Variants in STK31 observed in about 807,000 individuals in gnomAD.
The protein encoded by STK31 is serine/threonine-protein kinase 31.
STK31 carries 89 observed loss-of-function variants against 129.7 expected under a neutral mutation model. The observed-to-expected ratio is 0.69, with a 90% CI of 0.58 to 0.82. The LOEUF (loss-of-function observed/expected upper bound fraction) is 0.82, where lower values mean the gene tolerates loss of function less well. Ranked by LOEUF, STK31 falls within the 40% of genes least tolerant of loss-of-function variation. The pLI is 0.00. For synonymous variants in STK31, 448 were observed against 395.3 expected (o/e 1.13, Z -1.58); for missense variants, 1,187 against 1,176.4 (o/e 1.01, Z -0.13).
Position 23,716,403 on chromosome 7 carries a change from G to T in STK31, c.151-1078G>T, listed in dbSNP as rs144237781. Reference sequence around the variant, plus strand: ...AAGGTGGCAACTTCCAGGTTTTTTCGCTGTAAAGTTACTCTTTTCTTTTGT... The same window carrying T: ...AAGGTGGCAACTTCCAGGTTTTTTCTCTGTAAAGTTACTCTTTTCTTTTGT... On this transcript the variant is annotated intron_variant, in intron 3 of 23. Coordinates refer to ENST00000355870, the MANE Select transcript of STK31 (RefSeq NM_031414.5). 7.2e-5 allele frequency among the ~76,000 whole-genome samples: 11 copies of T among 152,082 alleles called. No individual in the cohort carries two copies. In the South Asian group the frequency reaches 2.1e-3, roughly 29 times the overall value.
intron 8 of STK31, among the ~76,000 whole-genome samples, chr7:23,750,469 A>T (rs1055945650): frequency 6.6e-6 from 1 of 152,206 alleles, no homozygotes; most frequent in African/African-American, 2.4e-5. Context: ...TGGCATAGTG[A>T]CTTCCAGGCT....
chr7:23,812,919 A>G (rs1793229741), intron 22 of STK31, among the ~76,000 whole-genome samples: 1 of 152,022 alleles, frequency 6.6e-6, no homozygotes, highest in Admixed American at 6.6e-5. Flanking sequence ...GTATATGTGT[A>G]CTCACACACA....
intron 7 of STK31, among the ~76,000 whole-genome samples, chr7:23,736,338 G>A (rs933065527): frequency 6.6e-6 from 1 of 152,070 alleles, no homozygotes; most frequent in African/African-American, 2.4e-5. Context: ...TTGTGATGGA[G>A]TTTGATTATT....
chr7:23,812,255 A>G (rs552368879), intron 22 of STK31, among the ~76,000 whole-genome samples: 101 of 152,114 alleles, frequency 6.6e-4, no homozygotes, highest in African/African-American at 2.3e-3. Flanking sequence ...TTAAAAGTTG[A>G]AAAATGTGCT....
intron 23 of STK31, among the ~76,000 whole-genome samples, chr7:23,828,322 G>A (rs574280160): frequency 7.9e-5 from 12 of 152,266 alleles, no homozygotes; most frequent in East Asian, 7.7e-4. Context: ...CCTCGCTGCC[G>A]CCTTGCAGTT....
At chr7:23,810,048 C>G (rs1490272380) in intron 22 of STK31, among the ~76,000 whole-genome samples, 1 of 152,128 alleles carries the variant, frequency 6.6e-6, no homozygotes, top group Non-Finnish European at 1.5e-5. Context: ...GCCTATTTCT[C>G]CTTTCAACTC....
chr7:23,831,274 T>A (rs1431402380), intron 23 of STK31, among the ~76,000 whole-genome samples: 1 of 152,226 alleles, frequency 6.6e-6, no homozygotes, highest in Admixed American at 6.5e-5. Context: ...GATTTATATA[T>A]CTGGGTGCTC....
rs149154224 is a variant in STK31, at chr7:23,716,586, G to A, written c.151-895G>A. 4.9e-3 allele frequency among the ~76,000 whole-genome samples: 748 copies of A among 151,980 alleles called. 12 individuals carry two copies. The highest frequency in any genetic ancestry group is 0.017 in the African/African-American group (699 of 41,454). The stretch of plus-strand genomic sequence containing the variant: ...CACATTTATTAATTGGAATTCTTCT[G>A]TAAGGAAGAGCTGTCTCTTCTCTGC... On this transcript the variant is annotated intron_variant, in intron 3 of 23. Coordinates refer to ENST00000355870, the MANE Select transcript of STK31 (RefSeq NM_031414.5).
At chr7:23,827,794 G>C (rs535652197) in intron 23 of STK31, among the ~76,000 whole-genome samples, 204 of 152,104 alleles carry the variant, frequency 1.3e-3, no homozygotes, top group African/African-American at 4.5e-3. Flanking sequence ...CTTTCTGTTT[G>C]TTAGTTTTCC....
intron 3 of STK31, among the ~76,000 whole-genome samples, chr7:23,716,858 G>C (rs1786359001): frequency 6.9e-6 from 1 of 144,024 alleles, no homozygotes; most frequent in Admixed American, 7.1e-5. Context: ...GCAGTAGTGT[G>C]CTCATGGCTC....
chr7:23,771,383 G>T, intron 14 of STK31: 1 of 240,534 alleles, frequency 4.2e-6, no homozygotes. Flanking sequence ...TAGATAATTT[G>T]CTATATACAG....
At chr7:23,764,478 A>T (rs551409095) in intron 11 of STK31, among the ~76,000 whole-genome samples, 6 of 152,346 alleles carry the variant, frequency 3.9e-5, no homozygotes, top group South Asian at 2.1e-4. Context: ...AATGAAGGTC[A>T]AATAAATGAA....
chr7:23,831,888 C>G (rs1276718993), intron 23 of STK31, among the ~76,000 whole-genome samples: 1 of 152,152 alleles, frequency 6.6e-6, no homozygotes, highest in Non-Finnish European at 1.5e-5. Flanking sequence ...CCCCCCACCA[C>G]GGCCTCCCAA....
chr7:23,759,058 T>G (rs1001241081), intron 10 of STK31, among the ~76,000 whole-genome samples: 1 of 152,030 alleles, frequency 6.6e-6, no homozygotes, highest in Non-Finnish European at 1.5e-5. Flanking sequence ...TACGTAATGG[T>G]AAAGGAAACA....
Position 23,806,065 on chromosome 7 carries a change from T to C in STK31, c.2761-9079T>C, listed in dbSNP as rs139811247. Among the ~76,000 whole-genome samples, 657 of 152,298 alleles carry C rather than the reference T, an allele frequency of 4.3e-3. 8 individuals are homozygous for C. The highest frequency in any genetic ancestry group is 0.015 in the African/African-American group (635 of 41,558). On this transcript the variant is annotated intron_variant, in intron 22 of 23. Transcript: ENST00000355870. ...CACCTTCTGCCTTCACATCACATAT[T>C]ATTAAGCCTGGAAGGCAGTCTTCAC...
intron 4 of STK31, among the ~76,000 whole-genome samples, chr7:23,726,847 C>G (rs143897575): frequency 2.3e-3 from 355 of 152,168 alleles, no homozygotes; most frequent in African/African-American, 6.8e-3. Flanking sequence ...GTTAGACTTA[C>G]GTGGCATGTA....
At chr7:23,794,066 A>G (rs1791803355) in intron 22 of STK31, among the ~76,000 whole-genome samples, 1 of 152,220 alleles carries the variant, frequency 6.6e-6, no homozygotes, top group Non-Finnish European at 1.5e-5. Context: ...CGATTGAACT[A>G]TAAATATAAC....
intron 10 of STK31, among the ~76,000 whole-genome samples, chr7:23,761,083 TA>T (rs142659097): frequency 0.12 from 18,143 of 152,256 alleles, 1,157 homozygotes; most frequent in East Asian, 0.22. Flanking sequence ...TATTTTCATG[TA>T]AGATGAAAAG....
chr7:23,774,971 ATCCAGTTTC>A (rs1790446597), intron 15 of STK31, among the ~76,000 whole-genome samples: 1 of 152,184 alleles, frequency 6.6e-6, no homozygotes, highest in Non-Finnish European at 1.5e-5. Context: ...TAAGGAAGGT[ATCCAGTTTC>A]AGCTTTCTAC....
Sources: gnomAD v4.1 joint callset for allele counts (sites outside exome capture counted in the v4.1 genomes callset) on GRCh38, gnomAD v4.1.1 for gene constraint, MANE v1.5 for transcripts, NCBI Gene and HGNC (gene_info 2026-07-23, HGNC 2026-07-21) for gene names.